RBMS3: variants seen among roughly 807,000 people sequenced by gnomAD.
RBMS3 encodes RNA binding motif single stranded interacting protein 3, also known as RNA-binding motif, single-stranded-interacting protein 3.
A neutral mutation model predicts 66.8 loss-of-function variants in RBMS3; 27 were observed. The ratio of observed to expected loss-of-function variants is 0.40; its 90% CI spans 0.30 to 0.56. The LOEUF is 0.56. Ranked by LOEUF, RBMS3 falls within the 20% of genes least tolerant of loss-of-function variation. RBMS3 has a pLI of 0.40. For missense variants in RBMS3, 513 were observed against 549.5 expected, an observed-to-expected ratio of 0.93 and a Z score of 0.66; for synonymous variants, 188 against 183.0, an observed-to-expected ratio of 1.03 and a Z score of -0.22.
intron 1 of RBMS3, among the ~76,000 whole-genome samples, chr3:29,306,612 C>A (rs1228712083): frequency 6.6e-6 from 1 of 151,894 alleles, no homozygotes; most frequent in South Asian, 2.1e-4. Context: ...GATTTTTCCT[C>A]CCTTCCTTCT....
chr3:29,804,439 T>G (rs1296422770), intron 6 of RBMS3, among the ~76,000 whole-genome samples: 1 of 152,048 alleles, frequency 6.6e-6, no homozygotes, highest in Non-Finnish European at 1.5e-5. Context: ...AACTCAGAGG[T>G]ACCTTGAGCT....
intron 6 of RBMS3, among the ~76,000 whole-genome samples, chr3:29,805,301 T>C (rs536320337): frequency 6.6e-6 from 1 of 152,216 alleles, no homozygotes; most frequent in East Asian, 1.9e-4. Context: ...AATACAATTA[T>C]GTACAGTCCA....
intron 4 of RBMS3, among the ~76,000 whole-genome samples, chr3:29,602,101 G>T (rs1002514700): frequency 3.3e-5 from 5 of 152,008 alleles, no homozygotes; most frequent in Admixed American, 2.0e-4. Context: ...TCCTCTTGCT[G>T]CGGGCAACTG....
chr3:29,471,577 C>T (rs569960082), intron 2 of RBMS3, among the ~76,000 whole-genome samples: 6 of 152,170 alleles, frequency 3.9e-5, no homozygotes, highest in African/African-American at 1.4e-4. Flanking sequence ...TGGGAAAAAT[C>T]GTGTAGCCTT....
At position 30,007,067 on chromosome 3, in the gene RBMS3, C is replaced by T. The variant is rs905675673; in HGVS notation, c.*3205C>T. On this transcript the variant is annotated 3_prime_UTR_variant, in exon 15 of 15. Coordinates refer to ENST00000383767, the MANE Select transcript of RBMS3 (RefSeq NM_001003793.3). ...AAAAAATAGAAGGAAAACAACGGCA[C>T]ATACTCAAATTTGCCCTGCTTTGTC... 1.3e-5 allele frequency: 2 copies of T among 151,916 alleles called. No individual in the cohort carries two copies. Among genetic ancestry groups the T allele is most frequent in the Admixed American group, 6.6e-5 (1 of 15,244 alleles). 9.4% of individuals were successfully genotyped at this position (151,916 alleles called of 1,614,324 possible).
chr3:29,373,732 C>T (rs951590170), intron 1 of RBMS3, among the ~76,000 whole-genome samples: 1 of 152,142 alleles, frequency 6.6e-6, no homozygotes, highest in Non-Finnish European at 1.5e-5. Flanking sequence ...TTTTGATATT[C>T]TTCTAGCTGG....
chr3:29,585,112 A>G lies in RBMS3; in HGVS notation c.308-2002A>G, dbSNP rs575213059. Among the ~76,000 whole-genome samples, 5 of 152,224 alleles carry G rather than the reference A, an allele frequency of 3.3e-5. No individual in the cohort carries two copies. The South Asian group carries it at 8.3e-4, about 25-fold the overall frequency. On this transcript the variant is annotated intron_variant, in intron 3 of 14. Coordinates refer to ENST00000383767, the MANE Select transcript of RBMS3 (RefSeq NM_001003793.3). Reference sequence around the variant, plus strand: ...AACTGAGGTTTTCTCCCACCACTATATACCCTTTGCTTAGTGCAGTGCCTG... The same window carrying G: ...AACTGAGGTTTTCTCCCACCACTATGTACCCTTTGCTTAGTGCAGTGCCTG...
intron 4 of RBMS3, among the ~76,000 whole-genome samples, chr3:29,691,582 C>T (rs1352254402): frequency 6.6e-6 from 1 of 152,086 alleles, no homozygotes; most frequent in Non-Finnish European, 1.5e-5. Flanking sequence ...GTCAAGAAGT[C>T]CCACAGAAAT....
At chr3:29,944,176 G>T (rs1376141886) in intron 11 of RBMS3, 31 bp from the exon 12 acceptor site, 1 of 1,542,516 alleles carries the variant, frequency 6.5e-7, no homozygotes, top group Non-Finnish European at 9.0e-7. Context: ...GTACTTCATT[G>T]CATTCTTTCT....
At chr3:29,760,620 T>G (rs1292695164) in intron 5 of RBMS3, among the ~76,000 whole-genome samples, 1 of 151,018 alleles carries the variant, frequency 6.6e-6, no homozygotes, top group Non-Finnish European at 1.5e-5. Flanking sequence ...AAGAACAGAG[T>G]TAGAATTCTT....
At chr3:29,456,620 A>G (rs1286005394) in intron 2 of RBMS3, among the ~76,000 whole-genome samples, 2 of 152,182 alleles carry the variant, frequency 1.3e-5, no homozygotes, top group East Asian at 1.9e-4. Context: ...GAAAGTAAAG[A>G]CCATTTTCAC....
At chr3:29,292,137 G>T (rs975147964) in intron 1 of RBMS3, among the ~76,000 whole-genome samples, 1 of 151,582 alleles carries the variant, frequency 6.6e-6, no homozygotes, top group African/African-American at 2.4e-5. Context: ...CAGCCCTCTA[G>T]ACAGATCTCA....
At chr3:29,880,909 A>G in intron 7 of RBMS3, 2 of 1,301,454 alleles carry the variant, frequency 1.5e-6, no homozygotes, top group Non-Finnish European at 2.1e-6. Flanking sequence ...TACCTACTCT[A>G]GTTACTCATT....
rs573004373 is a variant in RBMS3 at position 30,004,113 on chromosome 3, G to GAA, written c.*259_*260dup. On this transcript the variant is annotated 3_prime_UTR_variant, in exon 15 of 15. Coordinates refer to ENST00000383767, the MANE Select transcript of RBMS3 (RefSeq NM_001003793.3). ...ATTAAAGAAAAAATTTCCAGAAGAG[G>GAA]AAAAAAAAACTACAAAAAACAAAAC... 580 of 307,280 alleles carry GAA rather than the reference G, an allele frequency of 1.9e-3. 2 individuals carry two copies. The highest frequency in any genetic ancestry group is 0.012 in the African/African-American group (529 of 44,004). The allele number at this position is 307,280 out of a possible 1,614,324, so 19.0% of individuals were successfully genotyped here. A position where few individuals can be genotyped will look rare whatever the true frequency, so the allele number is the denominator to read the frequency against.
chr3:29,801,272 C>CTTTTTTTCTTTTTTTTTTTTT (rs553179866), intron 6 of RBMS3, among the ~76,000 whole-genome samples: 15 of 129,464 alleles, frequency 1.2e-4, no homozygotes, highest in South Asian at 2.4e-4. Flanking sequence ...TGCTTTTTTT[C>CTTTTTTTCTTTTTTTTTTTTT]TTTTTTTTTT....
intron 12 of RBMS3, among the ~76,000 whole-genome samples, chr3:29,959,603 G>A (rs1696278155): frequency 6.6e-6 from 1 of 152,140 alleles, no homozygotes; most frequent in Admixed American, 6.5e-5. Context: ...AGGTATATAA[G>A]TTCATTTTCA....
At chr3:29,698,897 G>A (rs1292187928) in intron 4 of RBMS3, among the ~76,000 whole-genome samples, 2 of 152,076 alleles carry the variant, frequency 1.3e-5, no homozygotes, top group Non-Finnish European at 2.9e-5. Flanking sequence ...ACTAATGGTA[G>A]CATACTATTC....
chr3:29,360,872 C>T (rs1383684614), intron 1 of RBMS3, among the ~76,000 whole-genome samples: 2 of 151,922 alleles, frequency 1.3e-5, no homozygotes, highest in Non-Finnish European at 2.9e-5. Flanking sequence ...ATTGCAACCC[C>T]TGCCTTTTTT....
rs375218586 is a variant in RBMS3, at chr3:29,849,633, G to C, written c.638-19225G>C. 1.5e-3 allele frequency among the ~76,000 whole-genome samples: 235 copies of C among 152,052 alleles called. 11 individuals are homozygous for C. In the South Asian group the frequency reaches 0.047, roughly 31 times the overall value. On this transcript the variant is annotated intron_variant, in intron 6 of 14. Coordinates refer to ENST00000383767, the MANE Select transcript of RBMS3 (RefSeq NM_001003793.3). ...CTCTTTCAAATTTAGATTTTTATAT[G>C]GTAACTTGTTTGATATAGTTATCAA...
Sources: allele counts gnomAD v4.1 joint callset (sites outside exome capture counted in the v4.1 genomes callset), GRCh38; gene constraint gnomAD v4.1.1; transcripts MANE v1.5; gene names NCBI Gene and HGNC (gene_info 2026-07-23, HGNC 2026-07-21).